Variants in DOCK5 observed in about 807,000 individuals in gnomAD.
The protein encoded by DOCK5 is dedicator of cytokinesis 5.
In DOCK5, 142 loss-of-function variants were observed where a neutral mutation model predicts 251.8. The observed-to-expected ratio is 0.56, with a 90% CI of 0.49 to 0.65. The LOEUF is 0.65. Ranked by LOEUF, DOCK5 falls within the 30% of genes least tolerant of loss-of-function variation. The pLI, the probability that DOCK5 is intolerant of heterozygous loss-of-function variation, is 0.00. For missense variants in DOCK5, 2,111 were observed against 2,312.3 expected, an observed-to-expected ratio of 0.91 and a Z score of 1.79; for synonymous variants, 842 against 835.5, an observed-to-expected ratio of 1.01 and a Z score of -0.13.
Position 25,185,246 on chromosome 8 carries a change from G to A in DOCK5, c.43+295G>A, listed in dbSNP as rs114335177. ...CACCAGGGAAATGTCAACGCGAGGG[G>A]GGCGCGCCTGCTGCTCTTTTGGGGC... On this transcript the variant is annotated intron_variant, in intron 1 of 51. Transcript: ENST00000276440. Among the ~76,000 whole-genome samples, 1,371 of 152,242 alleles carry A rather than the reference G, an allele frequency of 9.0e-3. 18 individuals carry two copies. Among genetic ancestry groups the A allele is most frequent in the African/African-American group, 0.031 (1,291 of 41,544 alleles).
Position 25,335,247 on chromosome 8 carries a change from G to A in DOCK5, c.2193-992G>A, listed in dbSNP as rs146868890. Among the ~76,000 whole-genome samples, 22 of 152,296 alleles carry A rather than the reference G, an allele frequency of 1.4e-4. No homozygotes were observed. The East Asian group carries it at 1.9e-3, about 13-fold the overall frequency. On this transcript the variant is annotated intron_variant, in intron 21 of 51. Coordinates refer to ENST00000276440, the MANE Select transcript of DOCK5 (RefSeq NM_024940.8). ...AGCAAGAACACCAGTGACAGTGGCC[G>A]TTCCACCCAGGAGCCTCACATCCAG...
At chr8:25,343,882 T>G (rs532956080) in intron 25 of DOCK5, among the ~76,000 whole-genome samples, 1 of 152,342 alleles carries the variant, frequency 6.6e-6, no homozygotes, top group Admixed American at 6.5e-5. Flanking sequence ...CTTGGCTCAC[T>G]GCAACCTCCA....
chr8:25,393,267 C>G (rs1056717798), intron 44 of DOCK5, among the ~76,000 whole-genome samples: 18 of 152,216 alleles, frequency 1.2e-4, no homozygotes, highest in African/African-American at 4.3e-4. Context: ...CTAGACTCCT[C>G]CCTCTTCATC....
chr8:25,402,187 G>C (rs1414420713), intron 47 of DOCK5, among the ~76,000 whole-genome samples: 4 of 152,152 alleles, frequency 2.6e-5, no homozygotes, highest in Admixed American at 2.6e-4. Context: ...GAAGTGCAGT[G>C]CGAGATCACA....
At chr8:25,214,676 C>T (rs1297868513) in intron 1 of DOCK5, among the ~76,000 whole-genome samples, 2 of 152,272 alleles carry the variant, frequency 1.3e-5, no homozygotes, top group Non-Finnish European at 2.9e-5. Flanking sequence ...TCCCCTGGCA[C>T]CTCTTTTATC....
intron 24 of DOCK5, 49 bp downstream of exon 24, chr8:25,341,858 C>A (rs1187068202): frequency 8.2e-6 from 12 of 1,464,438 alleles, no homozygotes; most frequent in Admixed American, 2.1e-5. Flanking sequence ...AGAAACAGCT[C>A]CCCTGCTTGG....
chr8:25,223,242 G>A (rs1371034988), intron 1 of DOCK5, among the ~76,000 whole-genome samples: 1 of 152,202 alleles, frequency 6.6e-6, no homozygotes. Flanking sequence ...CTGGCCTCGA[G>A]TGATCCTCCC....
chr8:25,318,544 C>T (rs1166054527), intron 14 of DOCK5, among the ~76,000 whole-genome samples: 2 of 143,298 alleles, frequency 1.4e-5, no homozygotes, highest in East Asian at 2.0e-4. Flanking sequence ...CCCCTTCCCC[C>T]TCCACTTCCC....
intron 3 of DOCK5, among the ~76,000 whole-genome samples, chr8:25,272,898 C>T (rs1442665356): frequency 6.6e-6 from 1 of 152,142 alleles, no homozygotes; most frequent in Non-Finnish European, 1.5e-5. Context: ...TCAGAACCCC[C>T]ATTGTACTTT....
intron 34 of DOCK5, among the ~76,000 whole-genome samples, chr8:25,370,530 G>C (rs1470566089): frequency 6.6e-6 from 1 of 152,076 alleles, no homozygotes; most frequent in African/African-American, 2.4e-5. Context: ...TAAGAGATAG[G>C]GTCTCTCTCT....
intron 11 of DOCK5, 96 bp downstream of exon 11, chr8:25,304,423 C>A: frequency 9.3e-7 from 1 of 1,072,298 alleles, no homozygotes; most frequent in Non-Finnish European, 1.3e-6. Flanking sequence ...ACCATTTTCT[C>A]AGAGAAGGAA....
At chr8:25,401,290 C>T (rs887098754) in intron 47 of DOCK5, among the ~76,000 whole-genome samples, 8 of 152,128 alleles carry the variant, frequency 5.3e-5, no homozygotes, top group African/African-American at 1.7e-4. Context: ...TCCCAGAGCG[C>T]CTGTGAAAAT....
intron 20 of DOCK5, among the ~76,000 whole-genome samples, chr8:25,333,338 G>A (rs897303476): frequency 6.6e-6 from 1 of 152,150 alleles, no homozygotes; most frequent in Non-Finnish European, 1.5e-5. Flanking sequence ...AGCTTTAGGC[G>A]ATTTACCAGC....
intron 14 of DOCK5, among the ~76,000 whole-genome samples, chr8:25,317,817 T>G (rs1381142370): frequency 6.6e-6 from 1 of 152,164 alleles, no homozygotes; most frequent in African/African-American, 2.4e-5. Context: ...TTCACCATGT[T>G]AGCCAGGATG....
At chr8:25,315,475 C>T (rs969520867) in intron 13 of DOCK5, among the ~76,000 whole-genome samples, 5 of 152,158 alleles carry the variant, frequency 3.3e-5, no homozygotes, top group Admixed American at 1.3e-4. Context: ...GAGTGGCTCA[C>T]CATAGCCACC....
chr8:25,356,746 GAGTGA>G (rs33979569), intron 27 of DOCK5, among the ~76,000 whole-genome samples: 41,767 of 151,518 alleles, frequency 0.28, 6,160 homozygotes, highest in East Asian at 0.35. Flanking sequence ...ATAAATGTCA[GAGTGA>G]AGTGTTCAAT....
At chr8:25,288,074 CG>C (rs1414453819) in intron 5 of DOCK5, among the ~76,000 whole-genome samples, 3 of 152,016 alleles carry the variant, frequency 2.0e-5, no homozygotes, top group Admixed American at 6.6e-5. Flanking sequence ...TTAGTAGAGA[CG>C]GGGTTTCACC....
chr8:25,193,284 T>C (rs965828361), intron 1 of DOCK5, among the ~76,000 whole-genome samples: 5 of 152,180 alleles, frequency 3.3e-5, no homozygotes, highest in African/African-American at 1.2e-4. Flanking sequence ...ATATAGTTGG[T>C]TCACTAACAT....
At chr8:25,248,881 G>A (rs1199457229) in intron 2 of DOCK5, among the ~76,000 whole-genome samples, 1 of 152,114 alleles carries the variant, frequency 6.6e-6, no homozygotes, top group African/African-American at 2.4e-5. Context: ...CAAAACCCTG[G>A]GTATTACAAG....
Sources: allele counts gnomAD v4.1 joint callset (sites outside exome capture counted in the v4.1 genomes callset), GRCh38; gene constraint gnomAD v4.1.1; transcripts MANE v1.5; gene names NCBI Gene and HGNC (gene_info 2026-07-23, HGNC 2026-07-21).